Variants in PEX1 observed in about 807,000 individuals in gnomAD.
PEX1 encodes the protein peroxisomal biogenesis factor 1.
PEX1 carries 97 observed loss-of-function variants against 152.5 expected under a neutral mutation model. The ratio of observed to expected loss-of-function variants is 0.64; its 90% confidence interval spans 0.54 to 0.75. PEX1 has a LOEUF of 0.75. Among genes scored for constraint, PEX1 ranks in the 30% least tolerant of loss-of-function variants. The probability of loss-of-function intolerance (pLI) is 0.00; values close to 1 mark genes in which losing one functional copy is unlikely to be tolerated. For missense variants in PEX1, 1,357 were observed against 1,516.3 expected, an observed-to-expected ratio of 0.89 and a Z score of 1.74; for synonymous variants, 485 against 531.6, an observed-to-expected ratio of 0.91 and a Z score of 1.21.
At chr7:92,528,279 A>T in intron 1 of PEX1, 28 bp downstream of exon 1, 2 of 1,548,934 alleles carry the variant, frequency 1.3e-6, no homozygotes, top group East Asian at 2.4e-5. Context: ...CAGGCTGAAG[A>T]TCAGGTGGCT....
Position 92,491,291 on chromosome 7 carries a change from T to C in PEX1, c.3419A>G (p.Asn1140Ser), listed in dbSNP as rs146853704. ...AGATACCAAATCAGAAGAGGTTCCA[T>C]TTCCAAGTTCTGATTCATAAGAGCT... ...FGSSYESELGNGTSSDLSSQC... is the reference protein window; with the variant it reads ...FGSSYESELGSGTSSDLSSQC... Residue 1140 changes from asparagine (N) to serine (S), a missense_variant, in exon 21 of 24, where the codon AAT becomes AGT. Asn to Ser is a conservative substitution (Grantham distance 46). Coordinates refer to ENST00000248633, the MANE Select transcript of PEX1 (RefSeq NM_000466.3). 57 of 1,609,198 alleles carry C rather than the reference T, an allele frequency of 3.5e-5. No homozygotes were observed. The highest frequency in any genetic ancestry group is 4.8e-5 in the Non-Finnish European group (57 of 1,175,794).
At chr7:92,488,168 A>C (rs1791038950) in intron 23 of PEX1, among the ~76,000 whole-genome samples, 1 of 152,216 alleles carries the variant, frequency 6.6e-6, no homozygotes, top group Non-Finnish European at 1.5e-5. Context: ...TTCAGGATGT[A>C]TGTGGATAAA....
chr7:92,522,550 T>C (rs758098956), intron 1 of PEX1, among the ~76,000 whole-genome samples: 8 of 152,230 alleles, frequency 5.3e-5, no homozygotes, highest in Non-Finnish European at 1.2e-4. Flanking sequence ...CACATATAAC[T>C]ATTTGAGCAT....
At position 92,504,902 on chromosome 7, in the gene PEX1, C is replaced by T. The variant is rs1792110916; in HGVS notation, c.1901G>A (p.Gly634Glu). Residue 634 changes from glycine (G) to glutamate (E), a missense_variant and splice_region_variant, in exon 12 of 24, where the codon GGA becomes GAA. Coordinates refer to ENST00000248633, the MANE Select transcript of PEX1 (RefSeq NM_000466.3). ...TTTTTGTATGTTTTCAAGCCTTTTT[C>T]CTTAATACAGAAGATATGAAATGGT... ...VERVDCKALR[G>E]KRLENIQKTL... 7 of 1,610,664 alleles carry T rather than the reference C, an allele frequency of 4.3e-6. No individual in the cohort carries two copies. Among genetic ancestry groups the T allele is most frequent in the Middle Eastern group, 3.3e-4 (2 of 6,058 alleles).
At chr7:92,499,251 A>AT (rs1427552164) in intron 16 of PEX1, among the ~76,000 whole-genome samples, 1 of 152,230 alleles carries the variant, frequency 6.6e-6, no homozygotes, top group Non-Finnish European at 1.5e-5. Flanking sequence ...CCGTGGAGAA[A>AT]TTTGTGCATG....
rs963232359 is a variant in PEX1 at position 92,502,071 on chromosome 7, T to A, written c.2235A>T (p.Arg745Ser). ...TTATTACATTACACAGAATTTCACA[T>A]CTTTGTTCCTAAAGAAAAAAACACA... is the stretch of plus-strand genomic sequence containing the variant. ...QHIQPPNQEQ[R>S]CEILCNVIKN... The change falls in exon 14 of 24, where the codon AGA becomes AGT. Residue 745 changes from arginine (R) to serine (S), a missense_variant. Transcript: ENST00000248633. 8 of 1,596,310 alleles carry A rather than the reference T, an allele frequency of 5.0e-6. No homozygotes were observed. The highest frequency in any genetic ancestry group is 6.0e-6 in the Non-Finnish European group (7 of 1,167,260).
rs549117551 is a variant in PEX1 at position 92,526,420 on chromosome 7, C to T, written c.129+1887G>A. Among the ~76,000 whole-genome samples, 26 of 152,290 alleles carry T rather than the reference C, an allele frequency of 1.7e-4. No individual in the cohort carries two copies. The South Asian group carries it at 4.3e-3, about 25-fold the overall frequency. ...CTGTATTATGCACTCAATGCTTCAC[C>T]CCAAATAAAGTAATTCAAGTATTAA... is the stretch of plus-strand genomic sequence containing the variant. On this transcript the variant is annotated intron_variant, in intron 1 of 23. Transcript: ENST00000248633.
At chr7:92,518,912 T>C (rs950438834) in intron 3 of PEX1, 83 bp downstream of exon 3, 16 of 1,021,866 alleles carry the variant, frequency 1.6e-5, no homozygotes, top group Admixed American at 1.2e-4. Flanking sequence ...GAATATATAA[T>C]AAAGCTTAGA....
Position 92,511,707 on chromosome 7 carries a change from C to A in PEX1, c.1360-4G>T, listed in dbSNP as rs199716270. 7.4e-4 allele frequency: 1,191 copies of A among 1,609,636 alleles called. 2 individuals are homozygous for A. The highest frequency in any genetic ancestry group is 9.7e-4 in the Non-Finnish European group (1,140 of 1,177,992). ...CTTCTTCACTTATGTCTTTAGGCTG[C>A]CAGAAAAAGGAATAGTAATGAATTA... On this transcript the variant is annotated splice_region_variant and splice_polypyrimidine_tract_variant and intron_variant, in intron 6 of 23. Coordinates refer to ENST00000248633, the MANE Select transcript of PEX1 (RefSeq NM_000466.3).
chr7:92,517,257 TTATAAAATTTATA>T lies in PEX1; in HGVS notation c.1239+6_1239+18del. 6.3e-7 allele frequency: 1 copy of T among 1,591,690 alleles called. No individual in the cohort carries two copies. Among genetic ancestry groups the T allele is most frequent in the East Asian group, 2.2e-5 (1 of 44,740 alleles). ...TAAGCCACATAAAATTTCTCCCAAG[TTATAAAATTTATA>T]CTAACCCAGACTTTCCCAAGATGGA... On this transcript the variant is annotated splice_donor_region_variant and intron_variant, in intron 5 of 23. Transcript: ENST00000248633.
Position 92,493,146 on chromosome 7 carries a change from T to G in PEX1, c.3031-17A>C, listed in dbSNP as rs1791441917. 1.4e-6 allele frequency: 2 copies of G among 1,418,670 alleles called. No individual in the cohort carries two copies. Among genetic ancestry groups the G allele is most frequent in the Non-Finnish European group, 2.0e-6 (2 of 1,015,752 alleles). The allele number at this position is 1,418,670 out of a possible 1,614,324, so 87.9% of individuals were successfully genotyped here. A position where few individuals can be genotyped will look rare whatever the true frequency, so the allele number is the denominator to read the frequency against. ...ACGTGACACCTGAAAGGAGAAAAAT[T>G]TATTTAACAAATAAAAAATAAAATT... is the stretch of plus-strand genomic sequence containing the variant. On this transcript the variant is annotated splice_polypyrimidine_tract_variant and intron_variant, in intron 19 of 23. Coordinates refer to ENST00000248633, the MANE Select transcript of PEX1 (RefSeq NM_000466.3).
At chr7:92,516,521 G>GA (rs199760273) in intron 5 of PEX1, among the ~76,000 whole-genome samples, 81 of 143,470 alleles carry the variant, frequency 5.6e-4, no homozygotes, top group East Asian at 4.6e-3. Context: ...AACTGTTGGA[G>GA]AAAAAAAAAA....
intron 2 of PEX1, among the ~76,000 whole-genome samples, chr7:92,521,813 T>C (rs1793062533): frequency 6.6e-6 from 1 of 152,126 alleles, no homozygotes. Context: ...TAATAGTAAG[T>C]AGAACCTAGT....
rs777591198 is a variant in PEX1 at position 92,509,282 on chromosome 7, A to C, written c.1670+47T>G. The C allele has an allele frequency of 2.5e-6, 3 of 1,206,636 alleles. No homozygotes were observed. The African/African-American group carries it at 4.5e-5, about 18-fold the overall frequency. 74.7% of individuals were successfully genotyped at this position (1,206,636 alleles called of 1,614,324 possible). A position where few individuals can be genotyped will look rare whatever the true frequency, so the allele number is the denominator to read the frequency against. On this transcript the variant is annotated intron_variant, in intron 9 of 23. Transcript: ENST00000248633. ...TTACATTGAAAACTCTGCCAGATAT[A>C]GTGTTAAAAACATGTCTAACATGCT...
At chr7:92,525,001 G>C (rs986252682) in intron 1 of PEX1, among the ~76,000 whole-genome samples, 16 of 152,032 alleles carry the variant, frequency 1.1e-4, no homozygotes, top group African/African-American at 7.2e-5. Flanking sequence ...ACTGAAAAAA[G>C]GAAAAATGAA....
chr7:92,514,021 A>C, intron 5 of PEX1, 54 bp from the exon 6 acceptor site: 1 of 1,162,456 alleles, frequency 8.6e-7, no homozygotes, highest in Non-Finnish European at 1.2e-6. Context: ...TGGTTAAGAA[A>C]TATTTCATAG....
At chr7:92,519,641 G>C (rs201132956) in intron 2 of PEX1, among the ~76,000 whole-genome samples, 51 of 152,204 alleles carry the variant, frequency 3.4e-4, no homozygotes, top group East Asian at 3.3e-3. Context: ...ATTATTTCTA[G>C]AAGTTTTGCA....
intron 5 of PEX1, among the ~76,000 whole-genome samples, chr7:92,514,929 A>G (rs1792654574): frequency 6.6e-6 from 1 of 151,604 alleles, no homozygotes; most frequent in Non-Finnish European, 1.5e-5. Context: ...GGGAGCCTGT[A>G]TCCTAGCTAC....
intron 16 of PEX1, 110 bp downstream of exon 16, chr7:92,499,594 G>T: frequency 1.1e-6 from 1 of 881,048 alleles, no homozygotes; most frequent in Non-Finnish European, 1.9e-6. Context: ...GGTGGTGGTT[G>T]CATAGCATTG....
Sources: gnomAD v4.1 joint callset for allele counts (sites outside exome capture counted in the v4.1 genomes callset) on GRCh38, gnomAD v4.1.1 for gene constraint, MANE v1.5 for transcripts, NCBI Gene and HGNC (gene_info 2026-07-23, HGNC 2026-07-21) for gene names.